The following MYO1E variants were observed in gnomAD, a reference collection of about 807,000 sequenced individuals.
MYO1E encodes the protein unconventional myosin-Ie.
MYO1E carries 68 observed loss-of-function variants against 151.1 expected under a neutral mutation model. The observed-to-expected ratio is 0.45, with a 90% CI of 0.37 to 0.55. The LOEUF (loss-of-function observed/expected upper bound fraction) is 0.55, where lower values mean the gene tolerates loss of function less well. Ranked by LOEUF, MYO1E falls within the 20% of genes least tolerant of loss-of-function variation. The pLI, the probability that MYO1E is intolerant of heterozygous loss-of-function variation, is 0.00. For synonymous variants in MYO1E, 601 were observed against 501.7 expected (o/e 1.20, Z -2.64); for missense variants, 1,363 against 1,389.3 (o/e 0.98, Z 0.30).
chr15:59,251,089 C>A (rs1294137062), intron 4 of MYO1E, among the ~76,000 whole-genome samples: 1 of 152,170 alleles, frequency 6.6e-6, no homozygotes, highest in African/African-American at 2.4e-5. Flanking sequence ...ATCCTGGACC[C>A]TCATTAAATT....
Position 59,223,205 on chromosome 15 carries a change from GA to G in MYO1E, c.778-15del, listed in dbSNP as rs749494220. The G allele has an allele frequency of 8.4e-5, 135 of 1,612,326 alleles. 1 individual carries two copies. Among genetic ancestry groups the G allele is most frequent in the Middle Eastern group, 4.9e-4 (3 of 6,080 alleles). ...ATTCATGGCGTGCTGGAAGAGAAAA[GA>G]GAAACTATCCAGAGAAGCTGGTCAC... On this transcript the variant is annotated splice_polypyrimidine_tract_variant and intron_variant, in intron 8 of 27. Coordinates refer to ENST00000288235, the MANE Select transcript of MYO1E (RefSeq NM_004998.4).
At chr15:59,249,583 A>G (rs1303110473) in intron 4 of MYO1E, among the ~76,000 whole-genome samples, 2 of 152,182 alleles carry the variant, frequency 1.3e-5, no homozygotes, top group Admixed American at 1.3e-4. Flanking sequence ...TGCCATCTAA[A>G]GTGTCATTTA....
intron 9 of MYO1E, among the ~76,000 whole-genome samples, chr15:59,219,093 T>C (rs1452598769): frequency 1.3e-5 from 2 of 152,268 alleles, no homozygotes; most frequent in Admixed American, 1.3e-4. Context: ...GGGGATGGTA[T>C]TGTTCATATC....
At chr15:59,162,876 A>G (rs1487692518) in intron 23 of MYO1E, among the ~76,000 whole-genome samples, 1 of 152,162 alleles carries the variant, frequency 6.6e-6, no homozygotes, top group African/African-American at 2.4e-5. Context: ...GGTGATACAT[A>G]AAAATCTGCC....
intron 27 of MYO1E, 93 bp downstream of exon 27, chr15:59,138,105 C>G (rs1156721884): frequency 6.8e-7 from 1 of 1,477,122 alleles, no homozygotes; most frequent in African/African-American, 1.4e-5. Context: ...TTTGAGGAGC[C>G]CATAAATTCT....
At chr15:59,257,735 A>G (rs1256331758) in intron 3 of MYO1E, among the ~76,000 whole-genome samples, 1 of 152,040 alleles carries the variant, frequency 6.6e-6, no homozygotes, top group Non-Finnish European at 1.5e-5. Context: ...GGAGCTACCC[A>G]GTGAGGGCTG....
At position 59,224,832 on chromosome 15, in the gene MYO1E, A is replaced by G; in HGVS notation, c.643-9T>C. ...GAGGCGCCCTCGATGAGCTGGAGCA[A>G]GAGAACACAGGTTGAGCCATGATGT... is the stretch of plus-strand genomic sequence containing the variant. On this transcript the variant is annotated splice_polypyrimidine_tract_variant and intron_variant, in intron 7 of 27. Coordinates refer to ENST00000288235, the MANE Select transcript of MYO1E (RefSeq NM_004998.4). 1 of 1,614,212 alleles carries G rather than the reference A, an allele frequency of 6.2e-7. No homozygotes were observed. Among genetic ancestry groups the G allele is most frequent in the East Asian group, 2.2e-5 (1 of 44,878 alleles).
chr15:59,212,720 G>A (rs1453815723), intron 12 of MYO1E: 2 of 152,138 alleles, frequency 1.3e-5, no homozygotes, highest in South Asian at 2.1e-4. Context: ...ATTGTGAAAA[G>A]TTTTCAATTA....
At chr15:59,338,068 T>C (rs1313428170) in intron 1 of MYO1E, among the ~76,000 whole-genome samples, 1 of 152,070 alleles carries the variant, frequency 6.6e-6, no homozygotes, top group Non-Finnish European at 1.5e-5. Flanking sequence ...ATAAGCTCTG[T>C]GGTCTTTGCA....
chr15:59,201,237 A>G (rs2079799786), intron 16 of MYO1E, among the ~76,000 whole-genome samples: 1 of 151,738 alleles, frequency 6.6e-6, no homozygotes, highest in South Asian at 2.1e-4. Flanking sequence ...AGCTGAGAGC[A>G]TAAGATGTGA....
At position 59,236,773 on chromosome 15, in the gene MYO1E, C is replaced by CA. The variant is rs370028397; in HGVS notation, c.333-102dup. The CA allele has an allele frequency of 8.7e-3, 9,744 of 1,121,098 alleles. 76 individuals are homozygous for CA. The highest frequency in any genetic ancestry group is 0.011 in the Non-Finnish European group (8,463 of 753,738). 69.4% of individuals were successfully genotyped at this position (1,121,098 alleles called of 1,614,324 possible). On this transcript the variant is annotated intron_variant, in intron 4 of 27. Transcript: ENST00000288235. ...CAAAACAAACAAACAAACAAAAAAA[C>CA]AAAAAAAACAGGCAGAAAAGAATTT... is the stretch of plus-strand genomic sequence containing the variant.
At position 59,223,067 on chromosome 15, in the gene MYO1E, C is replaced by A. The variant is rs1275335545; in HGVS notation, c.902G>T (p.Ser301Ile). 1.9e-6 allele frequency: 3 copies of A among 1,613,984 alleles called. No homozygotes were observed. In the Admixed American group the frequency reaches 5.0e-5, roughly 27 times the overall value. Residue 301 changes from serine to isoleucine, a missense_variant, in exon 9 of 28, where the codon AGT becomes ATT. Ser to Ile is a moderately radical substitution (Grantham distance 142). Transcript: ENST00000288235. ...KEVGNYAAVE[S>I]EEFLAFPAYL... ...ATGCCAGGGCTACGCACACTCTTCA[C>A]TCTCCACAGCCGCGTAGTTGCCAAC...
At chr15:59,235,736 C>A (rs1472439967) in intron 5 of MYO1E, among the ~76,000 whole-genome samples, 6 of 152,164 alleles carry the variant, frequency 3.9e-5, no homozygotes, top group Non-Finnish European at 8.8e-5. Context: ...GTAAGTTTAA[C>A]AGATTTTGCT....
At chr15:59,208,610 C>G in intron 14 of MYO1E, 71 bp downstream of exon 14, 1 of 1,558,788 alleles carries the variant, frequency 6.4e-7, no homozygotes, top group Non-Finnish European at 8.8e-7. Context: ...ATATGATTTG[C>G]TTCATGAGAA....
intron 1 of MYO1E, among the ~76,000 whole-genome samples, chr15:59,330,850 C>A (rs973946317): frequency 2.0e-5 from 3 of 152,136 alleles, no homozygotes; most frequent in African/African-American, 7.2e-5. Flanking sequence ...CTCACTGCAA[C>A]TTTGACCTCC....
intron 14 of MYO1E, chr15:59,206,769 A>G (rs1277622268): frequency 1.8e-5 from 11 of 621,890 alleles, no homozygotes; most frequent in Non-Finnish European, 3.1e-5. Context: ...CACGGAAAGC[A>G]CGTGTCGGAG....
intron 26 of MYO1E, among the ~76,000 whole-genome samples, chr15:59,150,611 G>C (rs1364768044): frequency 6.6e-6 from 1 of 152,196 alleles, no homozygotes; most frequent in Non-Finnish European, 1.5e-5. Flanking sequence ...TTGTGACTTA[G>C]TGATGCTCAC....
intron 1 of MYO1E, among the ~76,000 whole-genome samples, chr15:59,286,239 T>A (rs180797579): frequency 1.6e-4 from 24 of 152,238 alleles, no homozygotes; most frequent in Admixed American, 1.4e-3. Flanking sequence ...ATCTCTCCTA[T>A]ACTGCTTGCA....
chr15:59,356,046 C>T (rs1266852252), intron 1 of MYO1E, among the ~76,000 whole-genome samples: 1 of 152,208 alleles, frequency 6.6e-6, no homozygotes, highest in Non-Finnish European at 1.5e-5. Flanking sequence ...GGCATCTACA[C>T]TTGTGAAAAT....
Sources: allele counts gnomAD v4.1 joint callset (sites outside exome capture counted in the v4.1 genomes callset), GRCh38; gene constraint gnomAD v4.1.1; transcripts MANE v1.5; gene names NCBI Gene and HGNC (gene_info 2026-07-23, HGNC 2026-07-21).